ZNF609: variants seen among roughly 807,000 people sequenced by gnomAD.
The protein encoded by ZNF609 is zinc finger protein 609.
A neutral mutation model predicts 109.5 loss-of-function variants in ZNF609; 11 were observed. The observed-to-expected ratio is 0.10, with a 90% CI of 0.06 to 0.17. The LOEUF (loss-of-function observed/expected upper bound fraction) is 0.17. ZNF609 is among the 10% of genes least tolerant of loss of function. The pLI is 1.00. For missense variants in ZNF609, 1,559 were observed against 1,772.4 expected, an observed-to-expected ratio of 0.88 and a Z score of 2.16; for synonymous variants, 646 against 662.0, an observed-to-expected ratio of 0.98 and a Z score of 0.37.
intron 3 of ZNF609, chr15:64,631,877 A>G (rs1035625419): frequency 6.4e-6 from 1 of 157,232 alleles, no homozygotes; most frequent in Middle Eastern, 3.0e-3. Context: ...CCTAGAGAAC[A>G]TATATTGGGT....
intron 3 of ZNF609, among the ~76,000 whole-genome samples, chr15:64,627,858 C>G (rs1274704891): frequency 6.6e-6 from 1 of 150,628 alleles, no homozygotes; most frequent in Non-Finnish European, 1.5e-5. Flanking sequence ...CAGAGTCTTG[C>G]TATGTTGTGC....
chr15:64,644,256 G>T (rs1422988819), intron 3 of ZNF609, among the ~76,000 whole-genome samples: 4 of 152,082 alleles, frequency 2.6e-5, no homozygotes, highest in Non-Finnish European at 5.9e-5. Flanking sequence ...CCAGTACTTT[G>T]GGAAGACTGC....
intron 2 of ZNF609, among the ~76,000 whole-genome samples, chr15:64,546,118 C>T (rs1052214702): frequency 1.3e-5 from 2 of 152,182 alleles, no homozygotes; most frequent in East Asian, 3.8e-4. Context: ...TATACTCTTA[C>T]CAGCTATGTA....
At chr15:64,646,049 G>A (rs1896329175) in intron 3 of ZNF609, among the ~76,000 whole-genome samples, 1 of 152,008 alleles carries the variant, frequency 6.6e-6, no homozygotes, top group African/African-American at 2.4e-5. Context: ...TTAAAAGAAT[G>A]GAAAACAGAT....
intron 2 of ZNF609, among the ~76,000 whole-genome samples, chr15:64,609,072 C>CT (rs1259174395): frequency 6.4e-5 from 2 of 31,012 alleles, no homozygotes; most frequent in Admixed American, 8.1e-4. Context: ...ATTTTTCTTT[C>CT]TTTCTTTCTT....
At chr15:64,500,860 C>T (rs1203534814) in intron 2 of ZNF609, 1 of 165,836 alleles carries the variant, frequency 6.0e-6, no homozygotes, top group African/African-American at 2.4e-5. Context: ...ATCAAAGTCT[C>T]CTCGTGGTTT....
intron 2 of ZNF609, chr15:64,593,403 A>C: frequency 1.3e-6 from 1 of 743,470 alleles, no homozygotes; most frequent in South Asian, 1.5e-5. Flanking sequence ...TAAATAAATA[A>C]ATAAAAATAA....
intron 2 of ZNF609, among the ~76,000 whole-genome samples, chr15:64,586,182 C>T (rs517299): frequency 0.96 from 144,979 of 151,628 alleles, 69,554 homozygotes; most frequent in East Asian, 1. Context: ...AAAAATTAGC[C>T]GGGCGTGGTG....
chr15:64,534,981 C>T (rs541594422), intron 2 of ZNF609, among the ~76,000 whole-genome samples: 11 of 151,566 alleles, frequency 7.3e-5, no homozygotes, highest in Admixed American at 2.0e-4. Context: ...TGCAGTGAGC[C>T]GAGATCATGC....
intron 2 of ZNF609, among the ~76,000 whole-genome samples, chr15:64,572,313 T>C (rs1436778933): frequency 6.6e-6 from 1 of 152,112 alleles, no homozygotes; most frequent in Non-Finnish European, 1.5e-5. Flanking sequence ...CTGGGCCCCA[T>C]TGTGAGACCT....
chr15:64,652,464 A>G (rs112709249), intron 3 of ZNF609, among the ~76,000 whole-genome samples: 19,571 of 148,392 alleles, frequency 0.13, 2,731 homozygotes, highest in African/African-American at 0.36. Context: ...ACAGCTCACT[A>G]CAGCCTCGAC....
chr15:64,616,710 G>A (rs1205450680), intron 2 of ZNF609, among the ~76,000 whole-genome samples: 1 of 150,374 alleles, frequency 6.7e-6, no homozygotes, highest in Non-Finnish European at 1.5e-5. Flanking sequence ...TAGTAGAGAC[G>A]GGGTTTCACC....
At chr15:64,522,053 A>G (rs1893898812) in intron 2 of ZNF609, among the ~76,000 whole-genome samples, 1 of 152,214 alleles carries the variant, frequency 6.6e-6, no homozygotes, top group African/African-American at 2.4e-5. Context: ...GTCAGAGAGA[A>G]GATTGGGCAA....
At chr15:64,475,850 G>T (rs570463635) in intron 1 of ZNF609, among the ~76,000 whole-genome samples, 110 of 152,162 alleles carry the variant, frequency 7.2e-4, no homozygotes, top group African/African-American at 2.5e-3. Context: ...AATTGAATTA[G>T]AACTTGATTC....
chr15:64,543,016 G>C (rs1268031448), intron 2 of ZNF609, among the ~76,000 whole-genome samples: 1 of 152,112 alleles, frequency 6.6e-6, no homozygotes, highest in East Asian at 1.9e-4. Context: ...AGGGGAGGGA[G>C]AGCATTAGGA....
intron 2 of ZNF609, among the ~76,000 whole-genome samples, chr15:64,574,125 G>A (rs1056634571): frequency 6.7e-6 from 1 of 149,780 alleles, no homozygotes; most frequent in African/African-American, 2.5e-5. Context: ...TGGAATTGTG[G>A]CACTGCATTA....
chr15:64,515,821 C>T (rs1453479257), intron 2 of ZNF609, among the ~76,000 whole-genome samples: 1 of 151,900 alleles, frequency 6.6e-6, no homozygotes, highest in East Asian at 1.9e-4. Context: ...GCCTGTAATC[C>T]CAGCTACTCG....
At position 64,685,726 on chromosome 15, in the gene ZNF609, C is replaced by T. The variant is rs55729175; in HGVS notation, c.*4040C>T. 1 of 152,656 alleles carries T rather than the reference C, an allele frequency of 6.6e-6. No individual in the cohort carries two copies. The highest frequency in any genetic ancestry group is 1.5e-5 in the Non-Finnish European group (1 of 68,088). The allele number at this position is 152,656 out of a possible 1,614,324, so 9.5% of individuals were successfully genotyped here. On this transcript the variant is annotated 3_prime_UTR_variant, in exon 10 of 10. Transcript: ENST00000326648. ...GATGGTTTTAGGAATGACCGGAAAA[C>T]TACCCCTAAAACTCCCCCGACATTC... is the stretch of plus-strand genomic sequence containing the variant.
chr15:64,582,941 C>T (rs1401092107), intron 2 of ZNF609, among the ~76,000 whole-genome samples: 2 of 150,502 alleles, frequency 1.3e-5, no homozygotes, highest in African/African-American at 2.4e-5. Context: ...TTAGTAGAGA[C>T]GGGGTTTCAC....
Sources: gnomAD v4.1 joint callset for allele counts (sites outside exome capture counted in the v4.1 genomes callset) on GRCh38, gnomAD v4.1.1 for gene constraint, MANE v1.5 for transcripts, NCBI Gene and HGNC (gene_info 2026-07-23, HGNC 2026-07-21) for gene names.